MARCHF1: variants seen among roughly 807,000 people sequenced by gnomAD.
The protein encoded by MARCHF1 is E3 ubiquitin-protein ligase MARCHF1.
In MARCHF1, 40 loss-of-function variants were observed where a neutral mutation model predicts 54.2. The ratio of observed to expected loss-of-function variants is 0.74; its 90% CI spans 0.57 to 0.96. The LOEUF is 0.96. MARCHF1 is among the 40% of genes least tolerant of loss of function. The pLI is 0.00. For synonymous variants in MARCHF1, 236 were observed against 236.3 expected (o/e 1.00, Z 0.01); for missense variants, 586 against 656.5 (o/e 0.89, Z 1.17).
At chr4:163,684,663 T>C (rs149033005) in intron 5 of MARCHF1, among the ~76,000 whole-genome samples, 369 of 152,356 alleles carry the variant, frequency 2.4e-3, no homozygotes, top group Middle Eastern at 0.01. Context: ...ATTGCTTAAG[T>C]ACTCAATAGC....
intron 4 of MARCHF1, among the ~76,000 whole-genome samples, chr4:163,771,019 T>G (rs1747141531): frequency 6.6e-6 from 1 of 152,236 alleles, no homozygotes; most frequent in Non-Finnish European, 1.5e-5. Flanking sequence ...TGTTATGACT[T>G]TCATAGCTAT....
chr4:164,004,260 T>G (rs970980152), intron 2 of MARCHF1, among the ~76,000 whole-genome samples: 1 of 151,774 alleles, frequency 6.6e-6, no homozygotes, highest in East Asian at 1.9e-4. Flanking sequence ...TATATATATA[T>G]GCATGTTCTG....
chr4:163,635,730 CCTAA>C (rs1228933214), intron 5 of MARCHF1, among the ~76,000 whole-genome samples: 1 of 151,978 alleles, frequency 6.6e-6, no homozygotes, highest in Non-Finnish European at 1.5e-5. Context: ...GGGAATCCTC[CCTAA>C]CTCATTTCAT....
chr4:164,203,773 G>A (rs1174977226), intron 1 of MARCHF1, among the ~76,000 whole-genome samples: 5 of 151,824 alleles, frequency 3.3e-5, no homozygotes, highest in Middle Eastern at 3.4e-3. Context: ...TGGACTCTAC[G>A]GAAAACACCC....
chr4:163,530,931 G>A (rs1431273664), intron 9 of MARCHF1, among the ~76,000 whole-genome samples: 2 of 151,758 alleles, frequency 1.3e-5, no homozygotes, highest in East Asian at 3.9e-4. Context: ...CATTACAGTG[G>A]CAGGTGTAAT....
chr4:163,760,975 C>G (rs1254230020), intron 4 of MARCHF1, among the ~76,000 whole-genome samples: 3 of 152,084 alleles, frequency 2.0e-5, no homozygotes, highest in Non-Finnish European at 4.4e-5. Flanking sequence ...AAGTTCCAGA[C>G]TCCATGGAAA....
intron 4 of MARCHF1, among the ~76,000 whole-genome samples, chr4:163,744,231 C>T (rs6852270): frequency 0.36 from 54,904 of 151,980 alleles, 10,727 homozygotes; most frequent in Non-Finnish European, 0.45. Context: ...GGCATTTTAT[C>T]TGCATTTTCG....
intron 5 of MARCHF1, among the ~76,000 whole-genome samples, chr4:163,651,864 T>C (rs921763918): frequency 2.0e-5 from 3 of 151,650 alleles, no homozygotes; most frequent in African/African-American, 7.3e-5. Flanking sequence ...AGTTTCCTAA[T>C]TGGATTATTT....
intron 2 of MARCHF1, among the ~76,000 whole-genome samples, chr4:164,038,750 C>G (rs1754064808): frequency 6.6e-6 from 1 of 152,130 alleles, no homozygotes; most frequent in Non-Finnish European, 1.5e-5. Flanking sequence ...CATCCTACGT[C>G]TAGAAAACTA....
rs1732955454 is a variant in MARCHF1 at position 164,246,546 on chromosome 4, G to A, written c.-322-134884C>T. 8.7e-5 allele frequency among the ~76,000 whole-genome samples: 4 copies of A among 46,240 alleles called. 2 individuals are homozygous for A. In the South Asian group the frequency reaches 4.6e-3, roughly 53 times the overall value. 30.3% of individuals were successfully genotyped at this position (46,240 alleles called of 152,430 possible). On this transcript the variant is annotated intron_variant, in intron 1 of 9. Coordinates refer to ENST00000514618, the MANE Select transcript of MARCHF1 (RefSeq NM_001394959.1). ...CATTCAGGACATAGGCATGGGCAAG[G>A]ACTTCATGTCTAAAACACCAAAAGC...
intron 3 of MARCHF1, among the ~76,000 whole-genome samples, chr4:163,937,119 T>C (rs967537792): frequency 2.0e-5 from 3 of 152,190 alleles, no homozygotes; most frequent in Admixed American, 1.3e-4. Context: ...AGTAGTCCTC[T>C]ATTTCAGTTA....
intron 1 of MARCHF1, among the ~76,000 whole-genome samples, chr4:164,312,243 T>C (rs1734869511): frequency 6.6e-6 from 1 of 152,078 alleles, no homozygotes; most frequent in Admixed American, 6.6e-5. Context: ...TGGGATGTTT[T>C]GCTAGAATTG....
chr4:164,249,130 A>C (rs2111238167), intron 1 of MARCHF1, among the ~76,000 whole-genome samples: 1 of 152,236 alleles, frequency 6.6e-6, no homozygotes, highest in African/African-American at 2.4e-5. Flanking sequence ...ATCCCGGGGT[A>C]GATACCAACA....
intron 3 of MARCHF1, among the ~76,000 whole-genome samples, chr4:163,899,452 C>T (rs191433998): frequency 5.3e-5 from 8 of 152,220 alleles, no homozygotes. Context: ...CCTTTCCCTC[C>T]TACTTCTTTG....
chr4:164,024,512 T>G (rs532097447), intron 2 of MARCHF1, among the ~76,000 whole-genome samples: 10 of 152,206 alleles, frequency 6.6e-5, no homozygotes, highest in African/African-American at 2.4e-4. Context: ...GAAGGAGAAA[T>G]AAAATCCTTC....
At chr4:163,564,847 C>G (rs866129083) in intron 8 of MARCHF1, among the ~76,000 whole-genome samples, 9 of 151,850 alleles carry the variant, frequency 5.9e-5, no homozygotes, top group African/African-American at 2.2e-4. Flanking sequence ...ATCAACCACT[C>G]AGCAGCGCAG....
At chr4:164,046,585 A>G (rs958675997) in intron 2 of MARCHF1, among the ~76,000 whole-genome samples, 1 of 152,184 alleles carries the variant, frequency 6.6e-6, no homozygotes, top group Non-Finnish European at 1.5e-5. Context: ...TCTTTTCTCT[A>G]TACTTGAAAT....
At chr4:163,953,182 G>T (rs1752166943) in intron 3 of MARCHF1, among the ~76,000 whole-genome samples, 1 of 152,014 alleles carries the variant, frequency 6.6e-6, no homozygotes, top group Admixed American at 6.6e-5. Context: ...ATTTGTGACG[G>T]TCTCCCTCAC....
intron 2 of MARCHF1, among the ~76,000 whole-genome samples, chr4:164,090,289 T>A (rs981124951): frequency 1.1e-4 from 16 of 152,138 alleles, no homozygotes; most frequent in African/African-American, 3.9e-4. Context: ...CATAAAGGGA[T>A]TCAAACTATT....
Sources: allele counts gnomAD v4.1 joint callset (sites outside exome capture counted in the v4.1 genomes callset), GRCh38; gene constraint gnomAD v4.1.1; transcripts MANE v1.5; gene names NCBI Gene and HGNC (gene_info 2026-07-23, HGNC 2026-07-21).